The following GLYATL2 variants were observed in gnomAD, a reference collection of about 807,000 sequenced individuals.
The protein encoded by GLYATL2 is glycine N-acyltransferase-like protein 2.
A neutral mutation model predicts 21.4 loss-of-function variants in GLYATL2; 25 were observed. The observed-to-expected ratio is 1.17, with a 90% CI of 0.85 to 1.63. The LOEUF is 1.63. Ranked by LOEUF, GLYATL2 falls within the 40% of genes most tolerant of loss-of-function variation. The pLI is 0.00. For missense variants in GLYATL2, 361 were observed against 343.3 expected, an observed-to-expected ratio of 1.05 and a Z score of -0.41; for synonymous variants, 114 against 118.2, an observed-to-expected ratio of 0.96 and a Z score of 0.23.
At chr11:58,868,799 T>A (rs1040034745) in intron 1 of GLYATL2, among the ~76,000 whole-genome samples, 5 of 149,144 alleles carry the variant, frequency 3.4e-5, no homozygotes, top group African/African-American at 1.2e-4. Context: ...GAACTGCTTT[T>A]GAAATTTGAC....
At chr11:58,874,538 C>G (rs1316167934) in intron 1 of GLYATL2, among the ~76,000 whole-genome samples, 1 of 152,128 alleles carries the variant, frequency 6.6e-6, no homozygotes, top group Non-Finnish European at 1.5e-5. Context: ...GCCTTCATTT[C>G]GTTGTGTACC....
chr11:58,903,679 CAAAAT>C lies in GLYATL2; in HGVS notation n.60+472_60+476del, dbSNP rs775988398. Among the ~76,000 whole-genome samples the C allele has an allele frequency of 1.9e-4, 29 of 152,166 alleles. 1 individual carries two copies. The highest frequency in any genetic ancestry group is 9.6e-4 in the East Asian group (5 of 5,182). The stretch of plus-strand genomic sequence containing the variant: ...TAAAACAAGACTCTGTCTCAAAAAA[CAAAAT>C]AAAATAAAATAAAATAATTCTCAGT... On this transcript the variant is annotated intron_variant and non_coding_transcript_variant, in intron 1 of 4. Coordinates refer to the GLYATL2 transcript ENST00000533636.
intron 1 of GLYATL2, among the ~76,000 whole-genome samples, chr11:58,861,509 T>G (rs769857750): frequency 2.6e-5 from 4 of 151,972 alleles, no homozygotes; most frequent in Admixed American, 1.3e-4. Flanking sequence ...CTTTATCTTT[T>G]CAAAAGATCA....
chr11:58,885,654 T>C, intron 1 of GLYATL2: 1 of 285,846 alleles, frequency 3.5e-6, no homozygotes. Flanking sequence ...GTGAGTATTT[T>C]AAAACACTCC....
intron 1 of GLYATL2, among the ~76,000 whole-genome samples, chr11:58,895,971 G>T (rs916243144): frequency 2.2e-4 from 33 of 151,860 alleles, no homozygotes; most frequent in Non-Finnish European, 5.9e-5. Context: ...CTTTGCCTCA[G>T]CCTCCTGAGT....
intron 1 of GLYATL2, among the ~76,000 whole-genome samples, chr11:58,897,576 A>T (rs1854656455): frequency 6.6e-6 from 1 of 151,576 alleles, no homozygotes; most frequent in Non-Finnish European, 1.5e-5. Context: ...CACACACATA[A>T]ATGCACACAC....
chr11:58,903,126 G>A (rs1450534641), intron 1 of GLYATL2, among the ~76,000 whole-genome samples: 1 of 152,178 alleles, frequency 6.6e-6, no homozygotes, highest in Non-Finnish European at 1.5e-5. Flanking sequence ...TTACTCCAAT[G>A]ATGAGCAAAT....
upstream of GLYATL2, among the ~76,000 whole-genome samples, chr11:58,905,824 C>G (rs908965160): frequency 6.6e-6 from 1 of 152,268 alleles, no homozygotes; most frequent in Admixed American, 6.5e-5. Flanking sequence ...CGTGCACTCT[C>G]ATCCCTTTTC....
chr11:58,843,716 T>C (rs1036563272), intron 1 of GLYATL2, among the ~76,000 whole-genome samples: 10 of 139,754 alleles, frequency 7.2e-5, no homozygotes, highest in Non-Finnish European at 1.4e-4. Flanking sequence ...GCAATGTTAA[T>C]AGACAGGGAA....
chr11:58,842,522 G>A (rs777851470), intron 1 of GLYATL2, among the ~76,000 whole-genome samples: 9 of 147,246 alleles, frequency 6.1e-5, no homozygotes, highest in East Asian at 2.0e-4. Context: ...GTGTGTGTGC[G>A]CCCTGTGATG....
In GLYATL2 at chr11:58,883,857, AG is replaced by A. The variant is rs761556300; in HGVS notation, n.60+20298del. 1.1e-4 allele frequency among the ~76,000 whole-genome samples: 17 copies of A among 152,350 alleles called. No homozygotes were observed. In the East Asian group the frequency reaches 2.3e-3, roughly 21 times the overall value. ...AACCGAATCCAGCAGCACATCAAAA[AG>A]CTTATTCACCACGATCAAGTGGGCT... On this transcript the variant is annotated intron_variant and non_coding_transcript_variant, in intron 1 of 4. Coordinates refer to the GLYATL2 transcript ENST00000533636.
rs1353111876 is a variant in GLYATL2, at chr11:58,861,656, G to GT, written n.61-23289dup. On this transcript the variant is annotated intron_variant and non_coding_transcript_variant, in intron 1 of 4. Coordinates refer to the GLYATL2 transcript ENST00000533636. ...GTTCCGTGAAGTGTAACATTTGGTT[G>GT]TTTAAGATCTTTCTTTTTTTTCAAT... Among the ~76,000 whole-genome samples the GT allele has an allele frequency of 3.3e-5, 5 of 151,548 alleles. No homozygotes were observed. The East Asian group carries it at 9.7e-4, about 29-fold the overall frequency.
chr11:58,864,266 C>T (rs1476703620), intron 1 of GLYATL2, among the ~76,000 whole-genome samples: 1 of 152,146 alleles, frequency 6.6e-6, no homozygotes, highest in Non-Finnish European at 1.5e-5. Flanking sequence ...GTTGTGGAGG[C>T]CATCATGATT....
intron 1 of GLYATL2, among the ~76,000 whole-genome samples, chr11:58,903,238 A>AGAGT (rs1386959735): frequency 6.6e-6 from 1 of 152,186 alleles, no homozygotes; most frequent in East Asian, 1.9e-4. Context: ...CAAAGGGACA[A>AGAGT]GAGTGGTTCA....
chr11:58,870,923 G>A (rs937285346), intron 1 of GLYATL2, among the ~76,000 whole-genome samples: 2 of 152,164 alleles, frequency 1.3e-5, no homozygotes, highest in South Asian at 2.1e-4. Context: ...AAATGTGAGA[G>A]GCCATGAAGA....
intron 1 of GLYATL2, among the ~76,000 whole-genome samples, chr11:58,897,871 A>C (rs1475944527): frequency 6.6e-6 from 1 of 152,232 alleles, no homozygotes; most frequent in Admixed American, 6.5e-5. Flanking sequence ...GCCATAGATT[A>C]TCCCTGGAAA....
At chr11:58,890,854 CTCT>C (rs1286420730) in intron 1 of GLYATL2, among the ~76,000 whole-genome samples, 8 of 151,654 alleles carry the variant, frequency 5.3e-5, no homozygotes, top group Non-Finnish European at 1.0e-4. Flanking sequence ...GTCCCTCTCT[CTCT>C]TCTTCTCTCT....
rs530861583 is a variant in GLYATL2 at position 58,868,825 on chromosome 11, G to A, written n.61-30457C>T. Among the ~76,000 whole-genome samples, 25 of 149,312 alleles carry A rather than the reference G, an allele frequency of 1.7e-4. 2 individuals carry two copies. The South Asian group carries it at 5.3e-3, about 32-fold the overall frequency. On this transcript the variant is annotated intron_variant and non_coding_transcript_variant, in intron 1 of 4. Transcript: ENST00000533636. Reference sequence around the variant, plus strand: ...GAAATTTGACATCTGCATCCAGATAGGTGACTGTCATTTGTGGGCCCAGAC... The same window carrying A: ...GAAATTTGACATCTGCATCCAGATAAGTGACTGTCATTTGTGGGCCCAGAC...
In GLYATL2 at chr11:58,902,259, C is replaced by A. The variant is rs528089029; in HGVS notation, n.60+1897G>T. Among the ~76,000 whole-genome samples, 44 of 152,192 alleles carry A rather than the reference C, an allele frequency of 2.9e-4. 1 individual carries two copies. The highest frequency in any genetic ancestry group is 4.9e-4 in the Non-Finnish European group (33 of 68,000). ...CCATCTCATCTAAGCTTTCACATAC[C>A]CCATTGCAAGCTCCATTATGTGGTG... On this transcript the variant is annotated intron_variant and non_coding_transcript_variant, in intron 1 of 4. Transcript: ENST00000533636.
Sources: gnomAD v4.1 joint callset for allele counts (sites outside exome capture counted in the v4.1 genomes callset) on GRCh38, gnomAD v4.1.1 for gene constraint, MANE v1.5 for transcripts, NCBI Gene and HGNC (gene_info 2026-07-23, HGNC 2026-07-21) for gene names.